The following TCF12 variants were observed in gnomAD, a reference collection of about 807,000 sequenced individuals.
TCF12 encodes the protein DNA-binding protein HTF4.
A neutral mutation model predicts 86.0 loss-of-function variants in TCF12; 45 were observed. The ratio of observed to expected loss-of-function variants is 0.52; its 90% CI spans 0.41 to 0.67. The LOEUF is 0.67. Among genes scored for constraint, TCF12 ranks in the 30% least tolerant of loss-of-function variants. The pLI is 0.00. For missense variants in TCF12, 881 were observed against 859.9 expected, an observed-to-expected ratio of 1.02 and a Z score of -0.31; for synonymous variants, 330 against 299.6, an observed-to-expected ratio of 1.10 and a Z score of -1.05.
At chr15:57,205,511 T>C (rs776284733) in intron 8 of TCF12, among the ~76,000 whole-genome samples, 1 of 152,220 alleles carries the variant, frequency 6.6e-6, no homozygotes, top group Admixed American at 6.5e-5. Context: ...CAACTGTATA[T>C]ACTTAAGAGT....
chr15:57,269,609 T>G (rs1211571935), intron 18 of TCF12, among the ~76,000 whole-genome samples: 1 of 152,116 alleles, frequency 6.6e-6, no homozygotes, highest in Non-Finnish European at 1.5e-5. Context: ...ATGATGCTAC[T>G]GGTTATTTCA....
At chr15:57,205,459 A>T (rs1452893644) in intron 8 of TCF12, among the ~76,000 whole-genome samples, 1 of 152,224 alleles carries the variant, frequency 6.6e-6, no homozygotes. Context: ...TAGAATAGGT[A>T]TTTGCTTAGT....
intron 3 of TCF12, among the ~76,000 whole-genome samples, chr15:57,005,955 A>C (rs369467356): frequency 2.0e-5 from 3 of 152,160 alleles, no homozygotes; most frequent in Non-Finnish European, 2.9e-5. Context: ...GATTCTTATT[A>C]TACTCTTATT....
chr15:57,074,164 T>A (rs1467028981), intron 4 of TCF12, among the ~76,000 whole-genome samples: 3 of 152,078 alleles, frequency 2.0e-5, no homozygotes, highest in African/African-American at 7.2e-5. Flanking sequence ...TTGCTTCTAG[T>A]TTTCACCACT....
rs1236375963 is a variant in TCF12, at chr15:57,233,352, A to C, written c.970+496A>C. On this transcript the variant is annotated intron_variant, in intron 11 of 20. Coordinates refer to ENST00000333725, the MANE Select transcript of TCF12 (RefSeq NM_207037.2). ...CACCATACTCAGCTAATTTTTTTTT[A>C]CTTTTTGTTGAGACAGGGTCTCATT... 4.1e-5 allele frequency among the ~76,000 whole-genome samples: 6 copies of C among 146,934 alleles called. No homozygotes were observed. In the Admixed American group the frequency reaches 4.1e-4, roughly 10 times the overall value.
chr15:57,220,639 GTTAATAAT>G (rs2058547731), intron 8 of TCF12, among the ~76,000 whole-genome samples: 1 of 151,456 alleles, frequency 6.6e-6, no homozygotes, highest in African/African-American at 2.4e-5. Context: ...ATTACCTAAT[GTTAATAAT>G]TTACTGTGTT....
At chr15:56,951,509 A>G (rs777545357) in intron 3 of TCF12, among the ~76,000 whole-genome samples, 2 of 152,100 alleles carry the variant, frequency 1.3e-5, no homozygotes, top group Non-Finnish European at 2.9e-5. Context: ...TTCATTCTCT[A>G]AACAGTGTCT....
intron 3 of TCF12, among the ~76,000 whole-genome samples, chr15:56,992,089 A>C (rs28612876): frequency 0.24 from 35,609 of 150,640 alleles, 4,872 homozygotes; most frequent in East Asian, 0.4. Context: ...TCGTGTCTCT[A>C]CTAAAAAAAA....
chr15:57,124,202 TTCTGTTCTAGTG>T (rs1405199506), intron 5 of TCF12, among the ~76,000 whole-genome samples: 5 of 152,246 alleles, frequency 3.3e-5, no homozygotes, highest in African/African-American at 1.2e-4. Context: ...TGATTTTCCA[TTCTGTTCTAGTG>T]GAGTTTTTCA....
rs145992346 is a variant in TCF12 at position 57,106,935 on chromosome 15, C to T, written c.325+15044C>T. ...ACAACACCAAGTGCTGGTAACAATA[C>T]GGAGCAACAGGAATTCTTGTTCGTT... On this transcript the variant is annotated intron_variant, in intron 5 of 20. Coordinates refer to ENST00000333725, the MANE Select transcript of TCF12 (RefSeq NM_207037.2). 3.4e-3 allele frequency among the ~76,000 whole-genome samples: 517 copies of T among 152,248 alleles called. 7 individuals carry two copies. The highest frequency in any genetic ancestry group is 1.1e-3 in the Non-Finnish European group (78 of 68,018).
chr15:56,948,073 T>G (rs2061088697), intron 3 of TCF12, among the ~76,000 whole-genome samples: 1 of 152,180 alleles, frequency 6.6e-6, no homozygotes, highest in African/African-American at 2.4e-5. Context: ...TAAGCTTCAT[T>G]TATAAGGATT....
intron 5 of TCF12, among the ~76,000 whole-genome samples, chr15:57,125,618 G>A (rs1235595481): frequency 6.6e-6 from 1 of 152,162 alleles, no homozygotes; most frequent in Non-Finnish European, 1.5e-5. Flanking sequence ...ATTACTTTGT[G>A]ACACATAGCT....
chr15:57,096,948 TC>T (rs778682500), intron 5 of TCF12, among the ~76,000 whole-genome samples: 5 of 152,162 alleles, frequency 3.3e-5, no homozygotes, highest in Non-Finnish European at 7.3e-5. Context: ...TTTGCTTAAC[TC>T]CACTTTCTGT....
At chr15:57,052,680 A>C (rs2067721701) in intron 3 of TCF12, among the ~76,000 whole-genome samples, 1 of 151,694 alleles carries the variant, frequency 6.6e-6, no homozygotes, top group African/African-American at 2.4e-5. Context: ...TATATCTGCT[A>C]CTAGAAAACT....
intron 4 of TCF12, among the ~76,000 whole-genome samples, chr15:57,088,877 A>C (rs2048814244): frequency 6.6e-6 from 1 of 152,128 alleles, no homozygotes; most frequent in Admixed American, 6.6e-5. Context: ...ATAGTTGTAC[A>C]TTTCTACAAC....
chr15:57,214,663 G>A (rs767557534), intron 8 of TCF12, among the ~76,000 whole-genome samples: 9 of 152,140 alleles, frequency 5.9e-5, no homozygotes, highest in Non-Finnish European at 1.2e-4. Flanking sequence ...ACATTGTGTT[G>A]AGAAGTGTAT....
chr15:57,208,782 G>T (rs568191191), intron 8 of TCF12, among the ~76,000 whole-genome samples: 1 of 151,328 alleles, frequency 6.6e-6, no homozygotes, highest in Non-Finnish European at 1.5e-5. Flanking sequence ...ATCATAGCTC[G>T]CTGCGGCCTC....
intron 3 of TCF12, among the ~76,000 whole-genome samples, chr15:56,950,898 A>C (rs1431677464): frequency 2.6e-5 from 4 of 151,704 alleles, no homozygotes; most frequent in African/African-American, 9.7e-5. Flanking sequence ...CTGGGATTAT[A>C]GGCATGTACC....
intron 5 of TCF12, among the ~76,000 whole-genome samples, chr15:57,146,282 A>G (rs1380350944): frequency 6.6e-6 from 1 of 152,186 alleles, no homozygotes; most frequent in South Asian, 2.1e-4. Flanking sequence ...GATAGTAGCA[A>G]GGTTTTTCTT....
Sources: gnomAD v4.1 joint callset for allele counts (sites outside exome capture counted in the v4.1 genomes callset) on GRCh38, gnomAD v4.1.1 for gene constraint, MANE v1.5 for transcripts, NCBI Gene and HGNC (gene_info 2026-07-23, HGNC 2026-07-21) for gene names.